Variants in NARS2 observed in about 807,000 individuals in gnomAD.
NARS2 encodes the protein asparaginyl-tRNA synthetase.
A neutral mutation model predicts 62.9 loss-of-function variants in NARS2; 60 were observed. The ratio of observed to expected loss-of-function variants is 0.95; its 90% CI spans 0.77 to 1.18. The LOEUF is 1.18. Ranked by LOEUF, NARS2 falls within the 50% of genes most tolerant of loss-of-function variation. NARS2 has a pLI of 0.00. For synonymous variants in NARS2, 196 were observed against 200.0 expected (o/e 0.98, Z 0.17); for missense variants, 619 against 576.4 (o/e 1.07, Z -0.76).
intron 5 of NARS2, among the ~76,000 whole-genome samples, chr11:78,546,908 G>T (rs1680884344): frequency 1.3e-5 from 2 of 152,200 alleles, no homozygotes; most frequent in South Asian, 4.1e-4. Flanking sequence ...CTTATAAAAA[G>T]TGAAGCACTA....
chr11:78,453,099 T>C (rs1475050727), intron 11 of NARS2, among the ~76,000 whole-genome samples: 2 of 152,226 alleles, frequency 1.3e-5, no homozygotes, highest in African/African-American at 4.8e-5. Flanking sequence ...CTGTGCATCG[T>C]TGGGAGGCTT....
chr11:78,480,288 C>T (rs116975634), intron 7 of NARS2, among the ~76,000 whole-genome samples: 2,541 of 152,048 alleles, frequency 0.017, 56 homozygotes, highest in Admixed American at 0.066. Flanking sequence ...TTTTTTTAGA[C>T]GGAGTCTTGC....
chr11:78,469,581 C>T (rs1327623383), intron 9 of NARS2, among the ~76,000 whole-genome samples: 3 of 152,186 alleles, frequency 2.0e-5, no homozygotes, highest in Admixed American at 2.0e-4. Flanking sequence ...CATGATATGC[C>T]AATGCCCTAT....
intron 7 of NARS2, among the ~76,000 whole-genome samples, chr11:78,488,658 T>C (rs1859681404): frequency 6.6e-6 from 1 of 152,158 alleles, no homozygotes; most frequent in Admixed American, 6.5e-5. Context: ...TACATAGAAC[T>C]TGTAATGCAT....
intron 7 of NARS2, among the ~76,000 whole-genome samples, chr11:78,485,937 C>A (rs181612314): frequency 3.9e-5 from 6 of 152,208 alleles, no homozygotes. Context: ...TGTAGTGGCA[C>A]GATCTCGGCT....
intron 7 of NARS2, among the ~76,000 whole-genome samples, chr11:78,488,117 A>AACATCACC (rs1379601472): frequency 6.6e-6 from 1 of 152,128 alleles, no homozygotes; most frequent in Non-Finnish European, 1.5e-5. Context: ...CAAAAATTCA[A>AACATCACC]ACATCACCAG....
intron 6 of NARS2, among the ~76,000 whole-genome samples, chr11:78,496,173 G>GT (rs973535127): frequency 2.6e-5 from 4 of 152,128 alleles, no homozygotes; most frequent in South Asian, 2.1e-4. Flanking sequence ...GAAAAATTGC[G>GT]TAAGAAAGCA....
chr11:78,479,630 CAACT>C (rs1190185962), intron 7 of NARS2, among the ~76,000 whole-genome samples: 10 of 152,328 alleles, frequency 6.6e-5, no homozygotes, highest in Non-Finnish European at 1.2e-4. Flanking sequence ...TTTTTATTCA[CAACT>C]AACATTCTTG....
At chr11:78,569,709 TTGAGATGCTC>T (rs1565291688) in intron 2 of NARS2, among the ~76,000 whole-genome samples, 1 of 152,136 alleles carries the variant, frequency 6.6e-6, no homozygotes, top group African/African-American at 2.4e-5. Context: ...AGAGGGTAAT[TTGAGATGCTC>T]TGACTTAAAA....
At chr11:78,552,145 C>T (rs1461561265) in intron 5 of NARS2, among the ~76,000 whole-genome samples, 1 of 152,182 alleles carries the variant, frequency 6.6e-6, no homozygotes, top group Non-Finnish European at 1.5e-5. Flanking sequence ...TCCCTCCTCC[C>T]ATCCTCCCCC....
chr11:78,474,654 T>C (rs1859010449), intron 9 of NARS2, among the ~76,000 whole-genome samples: 1 of 152,146 alleles, frequency 6.6e-6, no homozygotes, highest in South Asian at 2.1e-4. Flanking sequence ...AATTACTCAG[T>C]ATTTACTGAG....
intron 7 of NARS2, among the ~76,000 whole-genome samples, chr11:78,488,804 C>T (rs1859688657): frequency 6.6e-6 from 1 of 151,880 alleles, no homozygotes; most frequent in Non-Finnish European, 1.5e-5. Context: ...TATATATGAC[C>T]AACTGATTTT....
intron 11 of NARS2, among the ~76,000 whole-genome samples, chr11:78,447,860 C>T (rs758000072): frequency 6.6e-6 from 1 of 151,774 alleles, no homozygotes; most frequent in African/African-American, 2.4e-5. Context: ...AGGAAGGGAA[C>T]GAAGAGTTGC....
chr11:78,559,133 T>C (rs1005491163), intron 5 of NARS2, among the ~76,000 whole-genome samples: 5 of 151,542 alleles, frequency 3.3e-5, no homozygotes, highest in Non-Finnish European at 5.9e-5. Context: ...AGAAACCCCG[T>C]CTCTACTAAA....
In NARS2 at chr11:78,559,619, C is replaced by T. The variant is rs150980817; in HGVS notation, c.514G>A (p.Asp172Asn). Residue 172 changes from aspartate to asparagine, a missense_variant and splice_region_variant, in exon 5 of 14, where the codon GAC becomes AAC. Physicochemically the swap from Asp to Asn is conservative, Grantham distance 23. Transcript: ENST00000281038. ...GTATGAATATGTACAAAGCCACTGT[C>T]CTGAAAAAGAAAACCACTGTTTTCA... ...ATAAIHSFFK[D>N]SGFVHIHTPI... The T allele has an allele frequency of 5.6e-6, 9 of 1,606,382 alleles. No individual in the cohort carries two copies. In the African/African-American group the frequency reaches 1.2e-4, roughly 21 times the overall value.
intron 13 of NARS2, among the ~76,000 whole-genome samples, chr11:78,440,318 C>T (rs891785555): frequency 1.3e-5 from 2 of 152,282 alleles, no homozygotes; most frequent in Admixed American, 1.3e-4. Flanking sequence ...CCCACCCAGG[C>T]CTCCCAAAGT....
chr11:78,543,708 G>A (rs1384275447), intron 5 of NARS2, among the ~76,000 whole-genome samples: 1 of 152,078 alleles, frequency 6.6e-6, no homozygotes, highest in Non-Finnish European at 1.5e-5. Flanking sequence ...CTGGTACCAA[G>A]ATCCAAGATG....
intron 6 of NARS2, among the ~76,000 whole-genome samples, chr11:78,527,573 CACT>C (rs1447305808): frequency 6.6e-6 from 1 of 152,160 alleles, no homozygotes; most frequent in African/African-American, 2.4e-5. Flanking sequence ...TTTATTCCAC[CACT>C]GACTTTCCAT....
chr11:78,571,630 G>T (rs1044072740), intron 1 of NARS2, 186 bp from the exon 2 acceptor site: 5 of 483,654 alleles, frequency 1.0e-5, no homozygotes, highest in South Asian at 3.6e-5. Flanking sequence ...TACACACTTT[G>T]GTATTCTATC....
Sources: allele counts gnomAD v4.1 joint callset (sites outside exome capture counted in the v4.1 genomes callset), GRCh38; gene constraint gnomAD v4.1.1; transcripts MANE v1.5; gene names NCBI Gene and HGNC (gene_info 2026-07-23, HGNC 2026-07-21).